The following ERP44 variants were observed in gnomAD, a reference collection of about 807,000 sequenced individuals.
ERP44 encodes the protein endoplasmic reticulum protein 44.
A neutral mutation model predicts 53.4 loss-of-function variants in ERP44; 25 were observed. The observed-to-expected ratio is 0.47, with a 90% CI of 0.34 to 0.65. The LOEUF (loss-of-function observed/expected upper bound fraction) is 0.65. Ranked by LOEUF, ERP44 falls within the 30% of genes least tolerant of loss-of-function variation. ERP44 has a pLI of 0.01. For synonymous variants in ERP44, 145 were observed against 161.2 expected (o/e 0.90, Z 0.76); for missense variants, 338 against 493.2 (o/e 0.69, Z 2.98).
Position 100,060,115 on chromosome 9 carries a change from T to C in ERP44, c.115A>G (p.Ile39Val). ...TEITSLDTEN[I>V]DEILNNADVA... ...AGGTACTTACTTAAAATTTCATCTA[T>C]ATTCTCTGTATCAAGACTTGTTATT... The change falls in exon 2 of 12, where the codon ATA becomes GTA. Residue 39 changes from isoleucine to valine, a missense_variant. Transcript: ENST00000262455. The C allele has an allele frequency of 6.7e-7, 1 of 1,485,258 alleles. No homozygotes were observed. Among genetic ancestry groups the C allele is most frequent in the Non-Finnish European group, 8.9e-7 (1 of 1,118,830 alleles). The allele number at this position is 1,485,258 out of a possible 1,614,324, so 92.0% of individuals were successfully genotyped here.
chr9:100,051,730 A>G (rs1278539796), intron 4 of ERP44, among the ~76,000 whole-genome samples: 1 of 152,222 alleles, frequency 6.6e-6, no homozygotes, highest in Non-Finnish European at 1.5e-5. Flanking sequence ...TAATGGGAAC[A>G]CACAGGAGGA....
At chr9:100,043,259 A>C (rs1444652475) in intron 4 of ERP44, among the ~76,000 whole-genome samples, 1 of 53,258 alleles carries the variant, frequency 1.9e-5, no homozygotes, top group Non-Finnish European at 4.9e-5. Context: ...ACTCTGTCTC[A>C]AAAAAAAAAA....
chr9:100,076,174 A>G (rs1308937304), intron 1 of ERP44, among the ~76,000 whole-genome samples: 1 of 152,204 alleles, frequency 6.6e-6, no homozygotes, highest in Non-Finnish European at 1.5e-5. Flanking sequence ...AGAACTGCCT[A>G]TCATGAACTG....
intron 10 of ERP44, among the ~76,000 whole-genome samples, chr9:100,003,065 A>G (rs943975238): frequency 5.3e-5 from 8 of 151,956 alleles, no homozygotes; most frequent in Non-Finnish European, 1.2e-4. Context: ...TAATTGTTCA[A>G]TTCTGTTGGT....
intron 6 of ERP44, among the ~76,000 whole-genome samples, chr9:100,020,348 A>C (rs1172469948): frequency 6.6e-6 from 1 of 152,246 alleles, no homozygotes; most frequent in Non-Finnish European, 1.5e-5. Flanking sequence ...TTAGTAAATG[A>C]GTTGAATAAA....
chr9:100,019,635 AC>A (rs2118652062), intron 6 of ERP44, among the ~76,000 whole-genome samples: 1 of 149,524 alleles, frequency 6.7e-6, no homozygotes, highest in East Asian at 1.9e-4. Flanking sequence ...GAACAGAACC[AC>A]AAAAATGATT....
chr9:100,023,784 T>TA, intron 4 of ERP44, among the ~76,000 whole-genome samples: 1 of 152,226 alleles, frequency 6.6e-6, no homozygotes, highest in East Asian at 1.9e-4. Flanking sequence ...CAAAAAGTTT[T>TA]AAAAAATTAG....
chr9:100,027,752 C>T (rs1197625431), intron 4 of ERP44, among the ~76,000 whole-genome samples: 1 of 152,116 alleles, frequency 6.6e-6, no homozygotes, highest in Non-Finnish European at 1.5e-5. Flanking sequence ...CTCGTTTCAG[C>T]AACGTCTCTC....
intron 1 of ERP44, among the ~76,000 whole-genome samples, chr9:100,084,720 G>T (rs1826462797): frequency 6.6e-6 from 1 of 152,074 alleles, no homozygotes; most frequent in African/African-American, 2.4e-5. Context: ...ATACTTCAAA[G>T]TAATATTCAA....
intron 8 of ERP44, among the ~76,000 whole-genome samples, chr9:100,012,311 A>G (rs1242669566): frequency 6.6e-6 from 1 of 152,222 alleles, no homozygotes; most frequent in Non-Finnish European, 1.5e-5. Flanking sequence ...TAAGTTTATG[A>G]TATTTAAGCT....
intron 1 of ERP44, among the ~76,000 whole-genome samples, chr9:100,098,266 G>A (rs112603301): frequency 1.3e-5 from 2 of 152,306 alleles, no homozygotes; most frequent in East Asian, 1.9e-4. Flanking sequence ...TATTCTCCCA[G>A]TGGAATCCAA....
At chr9:100,019,420 A>G (rs1830560740) in intron 6 of ERP44, among the ~76,000 whole-genome samples, 1 of 152,174 alleles carries the variant, frequency 6.6e-6, no homozygotes, top group Non-Finnish European at 1.5e-5. Flanking sequence ...TAAAACATAC[A>G]AACAAAATCT....
At chr9:100,069,318 CA>C (rs1033379479) in intron 1 of ERP44, among the ~76,000 whole-genome samples, 1 of 127,150 alleles carries the variant, frequency 7.9e-6, no homozygotes. Flanking sequence ...CCAAACCAAC[CA>C]AAAAAAAGAA....
chr9:100,062,306 T>C (rs779018363), intron 1 of ERP44, among the ~76,000 whole-genome samples: 3 of 152,238 alleles, frequency 2.0e-5, no homozygotes, highest in Non-Finnish European at 4.4e-5. Context: ...CCTTTTATTA[T>C]AGGAGTCTCA....
chr9:100,008,305 A>G (rs1191233003), intron 8 of ERP44, among the ~76,000 whole-genome samples: 1 of 152,174 alleles, frequency 6.6e-6, no homozygotes, highest in Non-Finnish European at 1.5e-5. Context: ...CTACCCCTAT[A>G]TATTTTTATA....
At chr9:99,998,750 C>T in intron 10 of ERP44, 1 of 750,892 alleles carries the variant, frequency 1.3e-6, no homozygotes, top group Non-Finnish European at 2.3e-6. Flanking sequence ...TTTCCTCTTC[C>T]CGCAAACGTT....
chr9:100,066,935 C>G (rs1214092392), intron 1 of ERP44, among the ~76,000 whole-genome samples: 1 of 152,074 alleles, frequency 6.6e-6, no homozygotes, highest in Non-Finnish European at 1.5e-5. Context: ...ACTAGAAGTT[C>G]AAAGAGAGGG....
At chr9:100,048,855 G>C (rs529879046) in intron 4 of ERP44, among the ~76,000 whole-genome samples, 1 of 152,178 alleles carries the variant, frequency 6.6e-6, no homozygotes, top group Non-Finnish European at 1.5e-5. Context: ...TGGTTGCCAG[G>C]GGCTGGGGAG....
intron 1 of ERP44, among the ~76,000 whole-genome samples, chr9:100,085,728 C>T (rs1255736922): frequency 6.6e-6 from 1 of 152,148 alleles, no homozygotes; most frequent in African/African-American, 2.4e-5. Flanking sequence ...GGTGAAACCT[C>T]GTCTCTACTA....
Sources: gnomAD v4.1 joint callset for allele counts (sites outside exome capture counted in the v4.1 genomes callset) on GRCh38, gnomAD v4.1.1 for gene constraint, MANE v1.5 for transcripts, NCBI Gene and HGNC (gene_info 2026-07-23, HGNC 2026-07-21) for gene names.